Variants in PLA2G4E observed in about 807,000 individuals in gnomAD.
The protein encoded by PLA2G4E is cytosolic phospholipase A2 epsilon.
A neutral mutation model predicts 109.1 loss-of-function variants in PLA2G4E; 84 were observed. That is an observed-to-expected ratio of 0.77 (90% CI 0.65 to 0.92). PLA2G4E has a LOEUF of 0.92. Ranked by LOEUF, PLA2G4E falls within the 40% of genes least tolerant of loss-of-function variation. The probability of loss-of-function intolerance (pLI) is 0.00; values close to 1 mark genes in which losing one functional copy is unlikely to be tolerated. For synonymous variants in PLA2G4E, 469 were observed against 436.1 expected (o/e 1.08, Z -0.94); for missense variants, 1,057 against 1,076.6 (o/e 0.98, Z 0.25).
chr15:42,041,733 C>T (rs1292649114), intron 1 of PLA2G4E, among the ~76,000 whole-genome samples: 1 of 152,120 alleles, frequency 6.6e-6, no homozygotes, highest in East Asian at 1.9e-4. Context: ...ACTTTGCTAC[C>T]GTGGGTCTCT....
At chr15:42,014,590 C>A (rs1354548343) in intron 1 of PLA2G4E, among the ~76,000 whole-genome samples, 1 of 152,176 alleles carries the variant, frequency 6.6e-6, no homozygotes. Context: ...ACGGTGACAT[C>A]TACTCACTGG....
At chr15:42,032,559 G>T (rs1889133150) in intron 1 of PLA2G4E, among the ~76,000 whole-genome samples, 1 of 152,244 alleles carries the variant, frequency 6.6e-6, no homozygotes, top group African/African-American at 2.4e-5. Context: ...CAGTGTGGGG[G>T]TGGACAGAAC....
chr15:42,001,367 C>T lies in PLA2G4E; in HGVS notation c.610-147G>A, dbSNP rs1397157695. ...TGGGGAATGCAGAATGTGTTGACCA[C>T]ATTTTCTGAACCCAATCAAGGCATG... On this transcript the variant is annotated intron_variant, in intron 6 of 19. Coordinates refer to ENST00000399518, the Ensembl canonical transcript of PLA2G4E. 9 of 739,356 alleles carry T rather than the reference C, an allele frequency of 1.2e-5. No individual in the cohort carries two copies. The East Asian group carries it at 2.4e-4, about 20-fold the overall frequency. The allele number at this position is 739,356 out of a possible 1,614,324, so 45.8% of individuals were successfully genotyped here.
chr15:42,023,264 C>T (rs2068664704), intron 1 of PLA2G4E, among the ~76,000 whole-genome samples: 1 of 151,730 alleles, frequency 6.6e-6, no homozygotes, highest in African/African-American at 2.4e-5. Flanking sequence ...GAAGAGGTCC[C>T]ACAGATACCA....
intron 1 of PLA2G4E, among the ~76,000 whole-genome samples, chr15:42,021,010 G>A (rs140672043): frequency 3.7e-4 from 56 of 151,930 alleles, no homozygotes; most frequent in African/African-American, 1.4e-3. Flanking sequence ...AGACCCTGGC[G>A]TGCATCTGCC....
chr15:42,017,483 C>T (rs544558131), intron 1 of PLA2G4E, among the ~76,000 whole-genome samples: 7 of 152,278 alleles, frequency 4.6e-5, no homozygotes, highest in East Asian at 3.9e-4. Context: ...TCCTTACAAC[C>T]GCCCCACGAA....
At chr15:42,020,061 C>T (rs1267723430) in intron 1 of PLA2G4E, among the ~76,000 whole-genome samples, 1 of 152,362 alleles carries the variant, frequency 6.6e-6, no homozygotes, top group East Asian at 1.9e-4. Flanking sequence ...GGGCACACCC[C>T]AGGAGGCAGT....
At chr15:41,990,282 G>T in intron 13 of PLA2G4E, 47 bp from the exon 14 acceptor site, 1 of 1,533,740 alleles carries the variant, frequency 6.5e-7, no homozygotes, top group Non-Finnish European at 9.0e-7. Context: ...CCCAGAGGGT[G>T]AGGGAGGCAG....
At chr15:41,989,326 C>T in intron 15 of PLA2G4E, 89 bp downstream of exon 15, 1 of 1,541,888 alleles carries the variant, frequency 6.5e-7, no homozygotes, top group African/African-American at 1.4e-5. Context: ...TGGCAAGTGC[C>T]CCGAGTGTCA....
chr15:42,027,050 A>G (rs1406641451), intron 1 of PLA2G4E, among the ~76,000 whole-genome samples: 1 of 152,156 alleles, frequency 6.6e-6, no homozygotes, highest in African/African-American at 2.4e-5. Flanking sequence ...GAAATGTGGA[A>G]CCAGCCCATG....
chr15:41,989,379 A>G, intron 15 of PLA2G4E, 36 bp downstream of exon 15: 2 of 1,612,770 alleles, frequency 1.2e-6, no homozygotes, highest in South Asian at 2.2e-5. Context: ...ACTGGGCAGC[A>G]GCCCCCTGTC....
intron 13 of PLA2G4E, among the ~76,000 whole-genome samples, chr15:41,991,287 G>A (rs912656101): frequency 2.6e-5 from 4 of 152,214 alleles, no homozygotes; most frequent in Non-Finnish European, 4.4e-5. Context: ...TGAGACTCCT[G>A]ATGTCGGAAG....
intron 6 of PLA2G4E, 138 bp downstream of exon 6, chr15:42,002,516 G>T: frequency 1.0e-6 from 1 of 983,922 alleles, no homozygotes; most frequent in Non-Finnish European, 1.5e-6. Context: ...GGCTGGCCTC[G>T]TTTAGTCTAA....
chr15:42,014,000 T>C (rs2068564744), intron 1 of PLA2G4E, among the ~76,000 whole-genome samples: 1 of 149,008 alleles, frequency 6.7e-6, no homozygotes, highest in South Asian at 2.2e-4. Flanking sequence ...CTAGTGATTC[T>C]CCTGCCTCAG....
At position 41,987,190 on chromosome 15, in the gene PLA2G4E, G is replaced by A. The variant is rs1249550185; in HGVS notation, c.2017C>T (p.Gln673Ter). The change falls in exon 17 of 20, where the codon CAG becomes TAG. Residue 673 changes from glutamine (Q) to a stop codon, truncating the protein, a stop_gained. Transcript: ENST00000399518. LOFTEE classifies it high-confidence loss of function. ...GGGTTACCTTTCCACCTAGAGAACT[G>A]GCCATTCTGGAGGTAGTTGGTGTGC... 6.2e-7 allele frequency: 1 copy of A among 1,613,938 alleles called. No homozygotes were observed. The highest frequency in any genetic ancestry group is 1.1e-5 in the South Asian group (1 of 91,088).
At chr15:42,049,472 C>T (rs1295608426) in intron 1 of PLA2G4E, among the ~76,000 whole-genome samples, 1 of 152,186 alleles carries the variant, frequency 6.6e-6, no homozygotes, top group Non-Finnish European at 1.5e-5. Flanking sequence ...GGGGGACATA[C>T]TCCCCCAGTA....
At position 42,001,151 on chromosome 15, in the gene PLA2G4E, G is replaced by T. The variant is rs975091109; in HGVS notation, c.673+6C>A. ...CCCAGTAGGCAGAAAAGGCAAAACA[G>T]CTCACTTTTCTCCCTCTTCCTCCGC... On this transcript the variant is annotated splice_donor_region_variant and intron_variant, in intron 7 of 19. Transcript: ENST00000399518. 10 of 1,611,880 alleles carry T rather than the reference G, an allele frequency of 6.2e-6. No individual in the cohort carries two copies. In the East Asian group the frequency reaches 2.2e-4, roughly 36 times the overall value.
At chr15:42,015,798 G>A (rs1045388910) in intron 1 of PLA2G4E, among the ~76,000 whole-genome samples, 3 of 152,162 alleles carry the variant, frequency 2.0e-5, no homozygotes, top group Non-Finnish European at 4.4e-5. Context: ...GGTCCCTAGG[G>A]GCCCAAGGCT....
chr15:42,029,593 C>T (rs1426419422), intron 1 of PLA2G4E, among the ~76,000 whole-genome samples: 3 of 152,192 alleles, frequency 2.0e-5, no homozygotes, highest in Non-Finnish European at 1.5e-5. Context: ...AGGATGACAT[C>T]GTCATTGTCT....
Sources: gnomAD v4.1 joint callset for allele counts (sites outside exome capture counted in the v4.1 genomes callset) on GRCh38, gnomAD v4.1.1 for gene constraint, MANE v1.5 for transcripts, NCBI Gene and HGNC (gene_info 2026-07-23, HGNC 2026-07-21) for gene names.